Variants in DMD observed in about 807,000 individuals in gnomAD.
DMD encodes the protein dystrophin.
Under a neutral mutation model 330.1 loss-of-function variants are expected in DMD, and 63 were observed. The observed-to-expected ratio is 0.19, with a 90% confidence interval of 0.16 to 0.24. The LOEUF (loss-of-function observed/expected upper bound fraction) is 0.24. Ranked by LOEUF, DMD falls within the 10% of genes least tolerant of loss-of-function variation. DMD has a pLI of 1.00. For missense variants in DMD, 3,344 were observed against 2,684.1 expected (o/e 1.25, Z -5.43); for synonymous variants, 1,223 against 959.8 (o/e 1.27, Z -5.07).
chrX:32,937,543 C>A (rs1296682615), intron 2 of DMD, among the ~76,000 whole-genome samples: 1 of 104,360 alleles, frequency 9.6e-6, no homozygotes, highest in Non-Finnish European at 2.0e-5. Flanking sequence ...TAACTAAACC[C>A]CCCTGTTTCC....
rs779006419 is a variant in DMD, at chrX:32,521,617, T to A, written c.2169-3486A>T. ...ACTTGTTCTGAATTCCACAGCTATA[T>A]AACCATCTGCCTATTGGATGTCTCC... is the stretch of plus-strand genomic sequence containing the variant. On this transcript the variant is annotated intron_variant, in intron 17 of 78. Transcript: ENST00000357033. Among the ~76,000 whole-genome samples the A allele has an allele frequency of 7.1e-5, 8 of 112,501 alleles. No homozygotes were observed. The South Asian group carries it at 3.0e-3, about 42-fold the overall frequency.
intron 42 of DMD, among the ~76,000 whole-genome samples, chrX:32,298,858 C>CT (rs202056289): frequency 0.32 from 34,914 of 109,255 alleles, 4,306 homozygotes; most frequent in Middle Eastern, 0.43. Context: ...GTTGATTCTG[C>CT]TTAAGGCTAC....
intron 47 of DMD, among the ~76,000 whole-genome samples, chrX:31,923,787 G>A (rs889978602): frequency 3.6e-5 from 4 of 110,617 alleles, no homozygotes; most frequent in East Asian, 5.7e-4. Context: ...TAATAGAGAC[G>A]GAGTTTTGCC....
rs56678455 is a variant in DMD, at chrX:32,518,997, CTTTTTTTTTT to C, written c.2169-876_2169-867del. Among the ~76,000 whole-genome samples, 137 of 42,104 alleles carry C rather than the reference CTTTTTTTTTT, an allele frequency of 3.3e-3. 1 individual carries two copies. The highest frequency in any genetic ancestry group is 0.014 in the Admixed American group (33 of 2,400). 36.6% of individuals were successfully genotyped at this position (42,104 alleles called of 115,157 possible). ...ATCACCTATCCTGTTATTTTCAAAC[CTTTTTTTTTT>C]TTTTTTTTTTTTTTTTTGGAAGAGA... On this transcript the variant is annotated intron_variant, in intron 17 of 78. Coordinates refer to ENST00000357033, the MANE Select transcript of DMD (RefSeq NM_004006.3).
chrX:31,212,146 T>TTA (rs375944446), intron 64 of DMD, among the ~76,000 whole-genome samples: 2,558 of 91,584 alleles, frequency 0.028, 44 homozygotes, highest in East Asian at 0.097. Flanking sequence ...ATTAAATATA[T>TTA]TATATATATA....
intron 61 of DMD, among the ~76,000 whole-genome samples, chrX:31,336,195 T>G (rs2057395246): frequency 8.9e-6 from 1 of 112,710 alleles, no homozygotes; most frequent in African/African-American, 3.2e-5. Context: ...GTGTTCCACA[T>G]GACTTTCATT....
At chrX:32,709,470 A>G (rs772626346) in intron 7 of DMD, among the ~76,000 whole-genome samples, 5 of 111,991 alleles carry the variant, frequency 4.5e-5, no homozygotes, top group African/African-American at 1.6e-4. Flanking sequence ...GTATGTGTTA[A>G]AAGACACTGC....
chrX:32,804,709 C>G (rs1170693551), intron 7 of DMD, among the ~76,000 whole-genome samples: 1 of 112,270 alleles, frequency 8.9e-6, no homozygotes, highest in African/African-American at 3.2e-5. Flanking sequence ...TCGACAGACA[C>G]ATCATACAGG....
chrX:33,008,956 A>T (rs1404669642), intron 2 of DMD, among the ~76,000 whole-genome samples: 46 of 98,544 alleles, frequency 4.7e-4, no homozygotes, highest in African/African-American at 1.6e-3. Context: ...ATATACGTAT[A>T]TATACATATG....
chrX:32,509,445 T>A (rs1185976192), intron 18 of DMD, among the ~76,000 whole-genome samples: 1 of 111,704 alleles, frequency 9.0e-6, no homozygotes, highest in East Asian at 2.8e-4. Context: ...GGAAGATAAC[T>A]GTCCTCATTT....
intron 52 of DMD, among the ~76,000 whole-genome samples, chrX:31,704,430 G>C (rs2084029543): frequency 9.0e-6 from 1 of 111,346 alleles, no homozygotes; most frequent in Non-Finnish European, 1.9e-5. Context: ...TAATTTTAAA[G>C]GGAAATTCTC....
chrX:32,150,049 C>A (rs1314854606), intron 44 of DMD, among the ~76,000 whole-genome samples: 1 of 112,116 alleles, frequency 8.9e-6, no homozygotes, highest in African/African-American at 3.2e-5. Context: ...TCTCTTTACA[C>A]AGACCAAATA....
intron 42 of DMD, among the ~76,000 whole-genome samples, chrX:32,298,381 C>T (rs1221576984): frequency 9.1e-6 from 1 of 110,473 alleles, no homozygotes; most frequent in African/African-American, 3.3e-5. Flanking sequence ...AGAATTTTGG[C>T]ACAGACAAGT....
intron 16 of DMD, among the ~76,000 whole-genome samples, chrX:32,561,191 G>C (rs939831670): frequency 8.1e-5 from 9 of 111,273 alleles, no homozygotes; most frequent in African/African-American, 2.3e-4. Context: ...TTCAAAGGTG[G>C]ATAATAACAA....
chrX:32,995,486 C>G (rs759632788), intron 2 of DMD, among the ~76,000 whole-genome samples: 1 of 111,903 alleles, frequency 8.9e-6, no homozygotes, highest in Non-Finnish European at 1.9e-5. Flanking sequence ...ATGCCTGTCA[C>G]CTTATTCAAT....
In DMD at chrX:32,925,990, T is replaced by A. The variant is rs924446907; in HGVS notation, c.94-76170A>T. Among the ~76,000 whole-genome samples the A allele has an allele frequency of 2.7e-5, 3 of 112,123 alleles. No homozygotes were observed. The East Asian group carries it at 8.4e-4, about 31-fold the overall frequency. ...GAAATCATTATATTGAAAAGATATG[T>A]GCACTCCCGTGTTCATTGCAGCATT... On this transcript the variant is annotated intron_variant, in intron 2 of 78. Coordinates refer to ENST00000357033, the MANE Select transcript of DMD (RefSeq NM_004006.3).
chrX:32,350,922 G>A (rs2097779505), intron 37 of DMD, among the ~76,000 whole-genome samples: 2 of 110,412 alleles, frequency 1.8e-5, no homozygotes, highest in South Asian at 7.6e-4. Flanking sequence ...TCATCTTCTA[G>A]TGAAGAACAT....
intron 54 of DMD, 78 bp downstream of exon 54, chrX:31,657,912 C>T (rs2080881195): frequency 1.8e-6 from 2 of 1,084,992 alleles, no homozygotes; most frequent in South Asian, 3.7e-5. Flanking sequence ...ATTGGAAAAA[C>T]AAATCCTCAT....
intron 26 of DMD, among the ~76,000 whole-genome samples, chrX:32,452,065 G>C (rs2098331865): frequency 9.2e-6 from 1 of 109,088 alleles, no homozygotes; most frequent in Non-Finnish European, 1.9e-5. Context: ...ATCTGACTGG[G>C]TTGTTGGTGA....
Sources: gnomAD v4.1 joint callset for allele counts (sites outside exome capture counted in the v4.1 genomes callset) on GRCh38, gnomAD v4.1.1 for gene constraint, MANE v1.5 for transcripts, NCBI Gene and HGNC (gene_info 2026-07-23, HGNC 2026-07-21) for gene names.